EGFLAM: variants seen among roughly 807,000 people sequenced by gnomAD.
EGFLAM encodes the protein EGF like, fibronectin type III and laminin G domains, also known as pikachurin.
A neutral mutation model predicts 113.1 loss-of-function variants in EGFLAM; 79 were observed. The ratio of observed to expected loss-of-function variants is 0.70; its 90% CI spans 0.58 to 0.84. The LOEUF is 0.84. Ranked by LOEUF, EGFLAM falls within the 40% of genes least tolerant of loss-of-function variation. The probability of loss-of-function intolerance (pLI) is 0.00; values close to 1 mark genes in which losing one functional copy is unlikely to be tolerated. For synonymous variants in EGFLAM, 504 were observed against 487.6 expected, an observed-to-expected ratio of 1.03 and a Z score of -0.44; for missense variants, 1,265 against 1,291.6, an observed-to-expected ratio of 0.98 and a Z score of 0.32.
At chr5:38,445,177 G>A (rs940061520) in intron 17 of EGFLAM, among the ~76,000 whole-genome samples, 4 of 152,056 alleles carry the variant, frequency 2.6e-5, no homozygotes, top group African/African-American at 4.8e-5. Context: ...TCTTGCAATG[G>A]GGGGTGGCGT....
intron 1 of EGFLAM, among the ~76,000 whole-genome samples, chr5:38,304,770 G>A (rs938410646): frequency 9.2e-5 from 14 of 152,136 alleles, no homozygotes; most frequent in South Asian, 4.2e-4. Flanking sequence ...CCAGAAAGTC[G>A]AAATATCTTG....
At chr5:38,363,567 A>G (rs559376650) in intron 5 of EGFLAM, among the ~76,000 whole-genome samples, 2 of 152,184 alleles carry the variant, frequency 1.3e-5, no homozygotes, top group East Asian at 1.9e-4. Context: ...TCAAAATACC[A>G]GTTATGTTTA....
At chr5:38,388,986 A>T (rs1740744008) in intron 6 of EGFLAM, among the ~76,000 whole-genome samples, 1 of 152,046 alleles carries the variant, frequency 6.6e-6, no homozygotes, top group South Asian at 2.1e-4. Context: ...TTCTGGATAC[A>T]TAAGAAGAAA....
At chr5:38,372,263 C>T (rs1740244349) in intron 6 of EGFLAM, among the ~76,000 whole-genome samples, 1 of 152,082 alleles carries the variant, frequency 6.6e-6, no homozygotes, top group Non-Finnish European at 1.5e-5. Flanking sequence ...CTGCCTCGGC[C>T]TTCCGAGTAG....
intron 3 of EGFLAM, among the ~76,000 whole-genome samples, chr5:38,342,594 G>A (rs566848725): frequency 6.6e-6 from 1 of 152,274 alleles, no homozygotes; most frequent in African/African-American, 2.4e-5. Flanking sequence ...CAATTTGGCA[G>A]CATTTCAAGC....
chr5:38,334,744 G>C (rs1739141239), intron 1 of EGFLAM, among the ~76,000 whole-genome samples: 1 of 152,148 alleles, frequency 6.6e-6, no homozygotes, highest in African/African-American at 2.4e-5. Flanking sequence ...GTAAGAGCTG[G>C]TGGGGCTGTG....
chr5:38,366,776 C>A (rs1486087263), intron 5 of EGFLAM, among the ~76,000 whole-genome samples: 1 of 152,094 alleles, frequency 6.6e-6, no homozygotes, highest in Non-Finnish European at 1.5e-5. Flanking sequence ...AGTGAAGGAC[C>A]CTTTACTTAG....
chr5:38,293,330 A>G (rs1758378226), intron 1 of EGFLAM, among the ~76,000 whole-genome samples: 1 of 152,176 alleles, frequency 6.6e-6, no homozygotes, highest in South Asian at 2.1e-4. Context: ...TCTTGTTTGT[A>G]AAGTAAATTA....
intron 6 of EGFLAM, among the ~76,000 whole-genome samples, chr5:38,382,128 A>G (rs1165030741): frequency 2.0e-5 from 3 of 152,248 alleles, no homozygotes; most frequent in African/African-American, 7.2e-5. Context: ...AATTCAGGCA[A>G]CATAAAAAAT....
rs753582136 is a variant in EGFLAM, at chr5:38,438,255, TTA to T, written c.2284-18_2284-17del. On this transcript the variant is annotated intron_variant, in intron 16 of 21. Transcript: ENST00000322350. ...GATGTTTCTTAATTCCTGAATTTCT[TTA>T]TGTTTTTCTCTCTCAAGATCATCCT... 5 of 1,597,128 alleles carry T rather than the reference TTA, an allele frequency of 3.1e-6. No homozygotes were observed. The African/African-American group carries it at 5.4e-5, about 17-fold the overall frequency.
At chr5:38,344,483 C>CAAA (rs10577346) in intron 3 of EGFLAM, among the ~76,000 whole-genome samples, 1 of 139,090 alleles carries the variant, frequency 7.2e-6, no homozygotes, top group African/African-American at 2.7e-5. Flanking sequence ...AACTCTGTTT[C>CAAA]AAAAAAAAAA....
intron 16 of EGFLAM, among the ~76,000 whole-genome samples, chr5:38,435,806 C>CTTTTTTTTT (rs60461690): frequency 1.9e-4 from 17 of 88,924 alleles, no homozygotes; most frequent in African/African-American, 6.6e-4. Context: ...CCGGCTCTCT[C>CTTTTTTTTT]TTTTTTTTTT....
At chr5:38,290,577 C>CA (rs111734871) in intron 1 of EGFLAM, 8,630 of 148,338 alleles carry the variant, frequency 0.058, 289 homozygotes, top group Non-Finnish European at 0.068. Context: ...GTGCTCTAAC[C>CA]AAAAAAAAAA....
In EGFLAM at chr5:38,338,679, G is replaced by A. The variant is rs748825139; in HGVS notation, c.208-19G>A. The stretch of plus-strand genomic sequence containing the variant: ...AAGCACGGGCTCTGCTCTCACCAGG[G>A]TGTCTGCATCTTTTCAAGGTCTTTT... On this transcript the variant is annotated intron_variant, in intron 2 of 21. Transcript: ENST00000322350. 2 of 1,613,082 alleles carry A rather than the reference G, an allele frequency of 1.2e-6. No individual in the cohort carries two copies. The highest frequency in any genetic ancestry group is 1.7e-4 in the Middle Eastern group (1 of 6,060).
At chr5:38,405,668 C>A (rs1301713780) in intron 6 of EGFLAM, among the ~76,000 whole-genome samples, 2 of 152,106 alleles carry the variant, frequency 1.3e-5, no homozygotes, top group East Asian at 3.8e-4. Flanking sequence ...ATGCTATGAA[C>A]CTGTTTTGAA....
At chr5:38,316,009 G>A (rs1286725958) in intron 1 of EGFLAM, among the ~76,000 whole-genome samples, 4 of 150,986 alleles carry the variant, frequency 2.6e-5, no homozygotes, top group African/African-American at 7.4e-5. Flanking sequence ...CCCGGCATGC[G>A]GAGGTTGCAA....
At chr5:38,287,412 C>G (rs943872942) in intron 1 of EGFLAM, among the ~76,000 whole-genome samples, 13 of 152,124 alleles carry the variant, frequency 8.5e-5, no homozygotes, top group Admixed American at 2.0e-4. Context: ...CACTCTGTTG[C>G]CCAACCTGGA....
chr5:38,426,924 C>G, intron 13 of EGFLAM, 85 bp from the exon 14 acceptor site: 1 of 1,557,658 alleles, frequency 6.4e-7, no homozygotes. Flanking sequence ...GGTCTGTACC[C>G]AGGAGGGAAA....
At chr5:38,370,059 T>C (rs543135892) in intron 5 of EGFLAM, among the ~76,000 whole-genome samples, 2 of 152,344 alleles carry the variant, frequency 1.3e-5, no homozygotes, top group East Asian at 3.9e-4. Context: ...AAACGGATTG[T>C]CTTTAAGTAG....
Sources: allele counts gnomAD v4.1 joint callset (sites outside exome capture counted in the v4.1 genomes callset), GRCh38; gene constraint gnomAD v4.1.1; transcripts MANE v1.5; gene names NCBI Gene and HGNC (gene_info 2026-07-23, HGNC 2026-07-21).